Variants in SP140 observed in about 807,000 individuals in gnomAD.
The protein encoded by SP140 is SP140 nuclear body protein, also known as nuclear body protein SP140.
SP140 carries 81 observed loss-of-function variants against 125.0 expected under a neutral mutation model. That is an observed-to-expected ratio of 0.65 (90% CI 0.54 to 0.78). SP140 has a LOEUF of 0.78. Among genes scored for constraint, SP140 ranks in the 30% least tolerant of loss-of-function variants. SP140 has a pLI of 0.00. For missense variants in SP140, 858 were observed against 1,037.0 expected (o/e 0.83, Z 2.37); for synonymous variants, 312 against 354.0 (o/e 0.88, Z 1.33).
chr2:230,250,981 A>G lies in SP140; in HGVS notation c.977A>G (p.Glu326Gly). The change falls in exon 10 of 27, where the codon GAG becomes GGG. Residue 326 changes from glutamate (E) to glycine (G), a missense_variant and splice_region_variant. Glu to Gly is a moderately conservative substitution (Grantham distance 98). This residue lies in a region of SP140 where 791 missense variants were observed against 869.5 expected (regional missense o/e 0.91). Transcript: ENST00000392045. ...GLCLLPGEGE[E>G]GSDDCSEMCD... Reference sequence around the variant, plus strand: ...TGAGGGATTTCTTTTCTTTCTGCAGAGGGCAGTGATGACTGTTCAGAAATG... The same window carrying G: ...TGAGGGATTTCTTTTCTTTCTGCAGGGGGCAGTGATGACTGTTCAGAAATG... 1 of 1,613,564 alleles carries G rather than the reference A, an allele frequency of 6.2e-7. No homozygotes were observed. The highest frequency in any genetic ancestry group is 8.5e-7 in the Non-Finnish European group (1 of 1,179,622).
intron 2 of SP140, among the ~76,000 whole-genome samples, 180 bp from the exon 3 acceptor site, chr2:230,238,033 C>A (rs758770412): frequency 3.3e-5 from 5 of 152,190 alleles, no homozygotes; most frequent in African/African-American, 4.8e-5. Context: ...ACAACAATGT[C>A]AGAGAGTCAG....
At position 230,238,401 on chromosome 2, in the gene SP140, G is replaced by A. The variant is rs966095357; in HGVS notation, c.406+20G>A. On this transcript the variant is annotated intron_variant, in intron 3 of 26. Transcript: ENST00000392045. ...AGAATGGTAACTATAGCTCTCAACAGCTTTGGGGGATTCAAGCCCATTTCA... is the reference window on the plus strand; with the variant it reads ...AGAATGGTAACTATAGCTCTCAACAACTTTGGGGGATTCAAGCCCATTTCA... 3 of 1,591,890 alleles carry A rather than the reference G, an allele frequency of 1.9e-6. No individual in the cohort carries two copies. The highest frequency in any genetic ancestry group is 2.6e-6 in the Non-Finnish European group (3 of 1,172,868).
chr2:230,236,845 A>G (rs1228541171), intron 1 of SP140, among the ~76,000 whole-genome samples: 2 of 152,216 alleles, frequency 1.3e-5, no homozygotes, highest in African/African-American at 4.8e-5. Context: ...TTTGATTGGA[A>G]CAGGGTGAGC....
At chr2:230,280,469 A>G (rs62191199) in intron 15 of SP140, among the ~76,000 whole-genome samples, 13,609 of 152,132 alleles carry the variant, frequency 0.089, 817 homozygotes, top group East Asian at 0.12. Context: ...GTAAATTTCA[A>G]TTTGTTTACA....
At chr2:230,221,918 T>G, upstream of SP140, 2 of 597,950 alleles carry the variant, frequency 3.3e-6, no homozygotes, top group Non-Finnish European at 3.0e-6. Context: ...GGATGAAAGA[T>G]GTTTATTCTA....
At chr2:230,222,777 G>A (rs2045926852), upstream of SP140, among the ~76,000 whole-genome samples, 1 of 149,666 alleles carries the variant, frequency 6.7e-6, no homozygotes, top group Admixed American at 6.7e-5. Context: ...CCTCCTTAAG[G>A]CCAGCACCAG....
chr2:230,286,524 TTGCAAGTGGTTGA>T (rs1299385716), intron 17 of SP140, among the ~76,000 whole-genome samples: 5 of 152,204 alleles, frequency 3.3e-5, no homozygotes, highest in Admixed American at 2.0e-4. Flanking sequence ...TGAAATGACA[TTGCAAGTGGTTGA>T]TGCACAATCA....
In SP140 at chr2:230,241,483, A is replaced by T; in HGVS notation, c.486A>T (p.Lys162Asn). 1 of 1,541,274 alleles carries T rather than the reference A, an allele frequency of 6.5e-7. No homozygotes were observed. Among genetic ancestry groups the T allele is most frequent in the Non-Finnish European group, 9.0e-7 (1 of 1,113,802 alleles). Residue 162 changes from lysine to asparagine, a missense_variant, in exon 4 of 27, where the codon AAA (lysine) becomes AAT (asparagine). Physicochemically the swap from Lys to Asn is moderately conservative, Grantham distance 94. Coordinates refer to ENST00000392045, the MANE Select transcript of SP140 (RefSeq NM_007237.5). Reference protein sequence around the residue: ...EDRPRLLPYGKQENSNACHEM... With the variant: ...EDRPRLLPYGNQENSNACHEM... The stretch of plus-strand genomic sequence containing the variant: ...GACCCAGATTACTACCATATGGTAA[A>T]CAAGGTAACTATCATTTAGCTGATC...
exon 1 of SP140, chr2:230,203,168 G>A: frequency 5.0e-6 from 1 of 199,008 alleles, no homozygotes; most frequent in Non-Finnish European, 1.0e-5. Context: ...CAAAGTGCAA[G>A]GTATTAAAAA....
At chr2:230,305,390 A>C (rs909590472) in intron 22 of SP140, among the ~76,000 whole-genome samples, 1 of 152,264 alleles carries the variant, frequency 6.6e-6, no homozygotes, top group Non-Finnish European at 1.5e-5. Context: ...TTCATCCAGC[A>C]ATCCCACTAC....
At chr2:230,200,620 A>G, upstream of SP140, 1 of 513,436 alleles carries the variant, frequency 1.9e-6, no homozygotes, top group Non-Finnish European at 3.5e-6. Context: ...CCAGTAGTGG[A>G]AAAACTCATT....
intron 12 of SP140, among the ~76,000 whole-genome samples, chr2:230,257,577 G>C (rs1046868930): frequency 1.3e-5 from 2 of 152,146 alleles, no homozygotes; most frequent in African/African-American, 4.8e-5. Flanking sequence ...GGCCAGCCGG[G>C]CCAACATGGC....
At chr2:230,286,421 A>G (rs551894523) in intron 17 of SP140, among the ~76,000 whole-genome samples, 11 of 152,168 alleles carry the variant, frequency 7.2e-5, no homozygotes, top group African/African-American at 1.2e-4. Flanking sequence ...CCCCCACTCC[A>G]TAGCTGTTGG....
At chr2:230,270,004 G>C (rs756971998) in intron 14 of SP140, 51 bp downstream of exon 14, 2 of 1,200,084 alleles carry the variant, frequency 1.7e-6, no homozygotes, top group South Asian at 1.2e-5. Flanking sequence ...GGGCCCCACA[G>C]ACCCCCAGTA....
the SP140 span, among the ~76,000 whole-genome samples, chr2:230,188,745 T>A: frequency 6.6e-6 from 1 of 152,096 alleles, no homozygotes; most frequent in Non-Finnish European, 1.5e-5. Flanking sequence ...TGAAATGATC[T>A]ATGGTTTTTA....
chr2:230,298,395 C>T (rs568034837), intron 22 of SP140, among the ~76,000 whole-genome samples: 1 of 152,298 alleles, frequency 6.6e-6, no homozygotes, highest in Admixed American at 6.5e-5. Flanking sequence ...TTTATACACA[C>T]CTTACCTCCA....
At chr2:230,295,724 G>A (rs984818859) in intron 21 of SP140, among the ~76,000 whole-genome samples, 4 of 152,178 alleles carry the variant, frequency 2.6e-5, no homozygotes, top group Admixed American at 2.0e-4. Context: ...CCACATGATA[G>A]CATCTCTGCT....
At chr2:230,305,907 G>T (rs1290575130) in intron 22 of SP140, among the ~76,000 whole-genome samples, 3 of 152,250 alleles carry the variant, frequency 2.0e-5, no homozygotes, top group Admixed American at 2.0e-4. Flanking sequence ...TGAGACTGGG[G>T]AGGCAATCCG....
intron 12 of SP140, among the ~76,000 whole-genome samples, chr2:230,267,021 G>C (rs1306854505): frequency 6.6e-6 from 1 of 152,178 alleles, no homozygotes; most frequent in African/African-American, 2.4e-5. Flanking sequence ...GAAATATTTG[G>C]GGGCCATCTT....
Sources: allele counts gnomAD v4.1 joint callset (sites outside exome capture counted in the v4.1 genomes callset), GRCh38; gene constraint gnomAD v4.1.1; regional missense constraint gnomAD v4.1.1; transcripts MANE v1.5; gene names NCBI Gene and HGNC (gene_info 2026-07-23, HGNC 2026-07-21).